Variants in CSMD1 observed in about 807,000 individuals in gnomAD.
CSMD1 encodes CUB and sushi domain-containing protein 1.
In CSMD1, 213 loss-of-function variants were observed where a neutral mutation model predicts 417.5. The observed-to-expected ratio is 0.51, with a 90% CI of 0.46 to 0.57. The LOEUF (loss-of-function observed/expected upper bound fraction) is 0.57, where lower values mean the gene tolerates loss of function less well. CSMD1 is among the 20% of genes least tolerant of loss of function. CSMD1 has a pLI of 0.00. For synonymous variants in CSMD1, 2,862 were observed against 1,736.8 expected (o/e 1.65, Z -16.11); for missense variants, 6,923 against 4,529.7 (o/e 1.53, Z -15.17).
At chr8:3,588,987 G>C (rs1800722332) in intron 8 of CSMD1, among the ~76,000 whole-genome samples, 1 of 152,018 alleles carries the variant, frequency 6.6e-6, no homozygotes, top group African/African-American at 2.4e-5. Context: ...GGTGCTCCGT[G>C]TCACTAATCA....
chr8:3,413,934 T>C (rs1812968036), intron 12 of CSMD1, among the ~76,000 whole-genome samples: 2 of 151,348 alleles, frequency 1.3e-5, no homozygotes, highest in South Asian at 4.2e-4. Flanking sequence ...AGATCATGAG[T>C]TGGAGACCAG....
intron 1 of CSMD1, among the ~76,000 whole-genome samples, chr8:4,808,305 A>C (rs1284108816): frequency 6.6e-6 from 1 of 152,186 alleles, no homozygotes; most frequent in Non-Finnish European, 1.5e-5. Context: ...TTTGCTTTAA[A>C]GAAAGTGTGT....
At chr8:4,475,038 G>T (rs1025534259) in intron 2 of CSMD1, among the ~76,000 whole-genome samples, 1 of 152,132 alleles carries the variant, frequency 6.6e-6, no homozygotes, top group Non-Finnish European at 1.5e-5. Flanking sequence ...TGCATAAGGG[G>T]TCAGTGTCCT....
In CSMD1 at chr8:3,406,164, C is replaced by G. The variant is rs768528927; in HGVS notation, c.2129G>C (p.Gly710Ala). The G allele has an allele frequency of 1.2e-6, 2 of 1,613,216 alleles. No individual in the cohort carries two copies. Among genetic ancestry groups the G allele is most frequent in the South Asian group, 1.1e-5 (1 of 90,976 alleles). Residue 710 changes from glycine to alanine, a missense_variant, in exon 15 of 70, where the codon GGT becomes GCT. Coordinates refer to ENST00000635120, the MANE Select transcript of CSMD1 (RefSeq NM_033225.6). ...PGIPINGRRF[G>A]DRFLLGSSVS... ...CGAGCTCCCGAGTAGAAACCTGTCACCAAAACGTCGTCCGTTTATAGGAAT... is the reference window on the plus strand; with the variant it reads ...CGAGCTCCCGAGTAGAAACCTGTCAGCAAAACGTCGTCCGTTTATAGGAAT...
Position 4,350,963 on chromosome 8 carries a change from T to G in CSMD1, c.415+68990A>C, listed in dbSNP as rs187693320. Among the ~76,000 whole-genome samples the G allele has an allele frequency of 3.0e-4, 45 of 152,290 alleles. 1 individual carries two copies. The highest frequency in any genetic ancestry group is 8.2e-4 in the African/African-American group (34 of 41,558). On this transcript the variant is annotated intron_variant, in intron 3 of 69. Transcript: ENST00000635120. The stretch of plus-strand genomic sequence containing the variant: ...TACTTGCTTTCTGCAAGTCATCGTT[T>G]AAAGCTTCTTTTAATAATTTTGCCT...
intron 1 of CSMD1, among the ~76,000 whole-genome samples, chr8:4,649,468 A>G (rs917199921): frequency 6.6e-6 from 1 of 152,238 alleles, no homozygotes; most frequent in Non-Finnish European, 1.5e-5. Flanking sequence ...AAAGCCACAT[A>G]TACAAAGCAA....
intron 3 of CSMD1, among the ~76,000 whole-genome samples, chr8:4,160,886 G>A (rs990716770): frequency 1.3e-5 from 2 of 152,312 alleles, no homozygotes; most frequent in African/African-American, 4.8e-5. Flanking sequence ...AGGACATACT[G>A]CTGTTGTTCT....
chr8:4,649,938 C>G (rs1803778568), intron 1 of CSMD1, among the ~76,000 whole-genome samples: 1 of 152,206 alleles, frequency 6.6e-6, no homozygotes, highest in Non-Finnish European at 1.5e-5. Context: ...GTGCACTGCA[C>G]AACTCCACAG....
chr8:4,800,291 C>G (rs1004120956), intron 1 of CSMD1, among the ~76,000 whole-genome samples: 2 of 151,834 alleles, frequency 1.3e-5, no homozygotes, highest in Non-Finnish European at 2.9e-5. Context: ...ATTAGCTGGG[C>G]ATGGTGGTGC....
At chr8:4,284,263 G>A (rs1418488705) in intron 3 of CSMD1, among the ~76,000 whole-genome samples, 3 of 152,178 alleles carry the variant, frequency 2.0e-5, no homozygotes, top group East Asian at 1.9e-4. Flanking sequence ...AGCTGCTCGC[G>A]AGGCTGAGAC....
chr8:4,392,675 G>C (rs554765528), intron 3 of CSMD1, among the ~76,000 whole-genome samples: 1 of 149,042 alleles, frequency 6.7e-6, no homozygotes, highest in East Asian at 2.0e-4. Flanking sequence ...ATTTTTTTTT[G>C]AGATGGACTG....
intron 1 of CSMD1, among the ~76,000 whole-genome samples, chr8:4,831,773 G>A (rs911653626): frequency 2.6e-5 from 4 of 152,154 alleles, no homozygotes; most frequent in Non-Finnish European, 4.4e-5. Flanking sequence ...ACTTTAGGGA[G>A]ATGACTGCAG....
intron 39 of CSMD1, among the ~76,000 whole-genome samples, chr8:3,157,037 G>A (rs907985106): frequency 2.0e-5 from 3 of 150,750 alleles, no homozygotes; most frequent in African/African-American, 4.9e-5. Context: ...CATTCGCAGA[G>A]GAAGTAGATC....
At chr8:3,927,708 C>G (rs1229227445) in intron 5 of CSMD1, among the ~76,000 whole-genome samples, 1 of 152,022 alleles carries the variant, frequency 6.6e-6, no homozygotes, top group Non-Finnish European at 1.5e-5. Context: ...TTAATATTTT[C>G]TTTACCTTTG....
chr8:4,994,536 G>T lies in CSMD1; in HGVS notation c.-120C>A, dbSNP rs1373925251. The T allele has an allele frequency of 1.1e-6, 1 of 875,306 alleles. No homozygotes were observed. Among genetic ancestry groups the T allele is most frequent in the South Asian group, 1.6e-5 (1 of 63,808 alleles). 54.2% of individuals were successfully genotyped at this position (875,306 alleles called of 1,614,324 possible). On this transcript the variant is annotated 5_prime_UTR_variant, in exon 1 of 70. Transcript: ENST00000635120. ...AGCCGGAGAGAGAGCCCGGTCCCAA[G>T]ACCCGCCGCGCATCCGACGCCTCCT...
At chr8:3,638,215 C>G (rs563401018) in intron 7 of CSMD1, among the ~76,000 whole-genome samples, 3 of 152,208 alleles carry the variant, frequency 2.0e-5, no homozygotes, top group East Asian at 1.9e-4. Context: ...GAGTTCAGAA[C>G]TGGGCTTTAA....
chr8:3,865,030 C>T (rs936604686), intron 5 of CSMD1, among the ~76,000 whole-genome samples: 3 of 152,172 alleles, frequency 2.0e-5, no homozygotes, highest in Admixed American at 6.5e-5. Context: ...CCTAATTTGT[C>T]AAGTAAGACA....
At chr8:4,550,505 G>C (rs1469055564) in intron 2 of CSMD1, among the ~76,000 whole-genome samples, 1 of 151,960 alleles carries the variant, frequency 6.6e-6, no homozygotes, top group Non-Finnish European at 1.5e-5. Flanking sequence ...ATCTTTAACT[G>C]TGCGGAAGCT....
chr8:4,073,648 G>A (rs1015756436), intron 3 of CSMD1, among the ~76,000 whole-genome samples: 10 of 152,024 alleles, frequency 6.6e-5, no homozygotes, highest in Non-Finnish European at 1.3e-4. Flanking sequence ...TTATTCTGGG[G>A]AATAATTCTC....
Sources: gnomAD v4.1 joint callset for allele counts (sites outside exome capture counted in the v4.1 genomes callset) on GRCh38, gnomAD v4.1.1 for gene constraint, MANE v1.5 for transcripts, NCBI Gene and HGNC (gene_info 2026-07-23, HGNC 2026-07-21) for gene names.